WDR1: variants seen among roughly 807,000 people sequenced by gnomAD.
WDR1 encodes WD repeat domain 1.
In WDR1, 21 loss-of-function variants were observed where a neutral mutation model predicts 71.9. The ratio of observed to expected loss-of-function variants is 0.29; its 90% confidence interval spans 0.21 to 0.42. The LOEUF is 0.42. WDR1 is among the 10% of genes least tolerant of loss of function. WDR1 has a pLI of 1.00. For synonymous variants in WDR1, 424 were observed against 347.4 expected, an observed-to-expected ratio of 1.22 and a Z score of -2.45; for missense variants, 696 against 824.5, an observed-to-expected ratio of 0.84 and a Z score of 1.91.
At chr4:10,104,271 G>A (rs1308413142) in intron 2 of WDR1, among the ~76,000 whole-genome samples, 1 of 152,130 alleles carries the variant, frequency 6.6e-6, no homozygotes, top group African/African-American at 2.4e-5. Context: ...CCATAATACA[G>A]AACAAATATA....
intron 2 of WDR1, 116 bp downstream of exon 2, chr4:10,115,997 G>T: frequency 7.1e-7 from 1 of 1,399,044 alleles, no homozygotes; most frequent in Non-Finnish European, 9.7e-7. Flanking sequence ...AGGGGGCGTG[G>T]CGCCCTCACC....
intron 10 of WDR1, among the ~76,000 whole-genome samples, chr4:10,082,233 G>A (rs1765043627): frequency 6.6e-6 from 1 of 152,210 alleles, no homozygotes; most frequent in Admixed American, 6.5e-5. Context: ...CAGGGCCTGT[G>A]TTACCTACAA....
At chr4:10,101,168 C>G (rs1712661336) in intron 3 of WDR1, among the ~76,000 whole-genome samples, 1 of 152,284 alleles carries the variant, frequency 6.6e-6, no homozygotes, top group African/African-American at 2.4e-5. Flanking sequence ...AAAAGGAGGC[C>G]TGGGCCTGCC....
intron 5 of WDR1, among the ~76,000 whole-genome samples, chr4:10,090,593 C>G (rs1021664575): frequency 3.3e-5 from 5 of 152,240 alleles, no homozygotes; most frequent in Non-Finnish European, 7.3e-5. Context: ...CTCCAGCCAA[C>G]AACCCAAACT....
chr4:10,083,408 G>A (rs901858453), intron 9 of WDR1, among the ~76,000 whole-genome samples: 2 of 152,226 alleles, frequency 1.3e-5, no homozygotes, highest in African/African-American at 4.8e-5. Flanking sequence ...AAAGGGAGCC[G>A]TGCTGAAGGC....
intron 5 of WDR1, among the ~76,000 whole-genome samples, chr4:10,096,962 G>C (rs2109674859): frequency 6.6e-6 from 1 of 152,336 alleles, no homozygotes; most frequent in East Asian, 1.9e-4. Flanking sequence ...TGCTGAGACT[G>C]GCTGCTGGGC....
chr4:10,099,548 A>T (rs1341517342), intron 3 of WDR1, among the ~76,000 whole-genome samples: 1 of 152,256 alleles, frequency 6.6e-6, no homozygotes, highest in Non-Finnish European at 1.5e-5. Context: ...TGTGGGCCTC[A>T]GGCCACCTTT....
intron 10 of WDR1, 81 bp from the exon 11 acceptor site, chr4:10,081,525 A>G (rs1192815812): frequency 4.4e-5 from 60 of 1,356,018 alleles, no homozygotes; most frequent in Non-Finnish European, 6.3e-5. Context: ...CTGTTAAACC[A>G]CAGTTTTGCT....
intron 14 of WDR1, 91 bp from the exon 15 acceptor site, chr4:10,075,575 A>C: frequency 8.3e-7 from 1 of 1,202,002 alleles, no homozygotes; most frequent in Admixed American, 2.0e-5. Context: ...CCTGTGCCTA[A>C]ATCATCTCCA....
intron 10 of WDR1, among the ~76,000 whole-genome samples, chr4:10,082,809 TGTC>T (rs1269661035): frequency 1.3e-5 from 2 of 152,210 alleles, no homozygotes; most frequent in Non-Finnish European, 2.9e-5. Flanking sequence ...ACCTGGTCGT[TGTC>T]TGTGGGCAAG....
intron 2 of WDR1, among the ~76,000 whole-genome samples, chr4:10,109,727 G>A (rs1713235388): frequency 6.6e-6 from 1 of 152,212 alleles, no homozygotes; most frequent in South Asian, 2.1e-4. Context: ...CCCACCCAGG[G>A]CCCACCAGGG....
intron 5 of WDR1, among the ~76,000 whole-genome samples, chr4:10,090,254 C>T (rs1312519981): frequency 6.6e-6 from 1 of 152,194 alleles, no homozygotes; most frequent in East Asian, 1.9e-4. Flanking sequence ...CACATGTCAT[C>T]AATGCTGCCT....
At chr4:10,084,086 T>C (rs776625131) in intron 9 of WDR1, among the ~76,000 whole-genome samples, 1 of 152,260 alleles carries the variant, frequency 6.6e-6, no homozygotes, top group African/African-American at 2.4e-5. Flanking sequence ...AAACCCACCA[T>C]GTGGAGTAGG....
At chr4:10,112,269 C>A (rs1713428422) in intron 2 of WDR1, among the ~76,000 whole-genome samples, 1 of 151,976 alleles carries the variant, frequency 6.6e-6, no homozygotes, top group Non-Finnish European at 1.5e-5. Context: ...AAGGAACCAC[C>A]CCAGACCTAA....
At chr4:10,095,247 G>GA in intron 5 of WDR1, among the ~76,000 whole-genome samples, 1 of 152,322 alleles carries the variant, frequency 6.6e-6, no homozygotes, top group East Asian at 1.9e-4. Context: ...AAGATCTGGG[G>GA]AAAAAAGACC....
chr4:10,087,765 G>A lies in WDR1; in HGVS notation c.893C>T (p.Ser298Phe). ...QKDHLLSVSL[S>F]GYINYLDRNN... ...TCTGTCCAGATAGTTGATGTACCCG[G>A]ACAGGGAGACACTGAGCAGGTGGTC... Residue 298 changes from serine to phenylalanine, a missense_variant, in exon 8 of 15, where the codon TCC becomes TTC. Coordinates refer to ENST00000499869, the MANE Select transcript of WDR1 (RefSeq NM_017491.5). 6.2e-7 allele frequency: 1 copy of A among 1,602,452 alleles called. No individual in the cohort carries two copies. Among genetic ancestry groups the A allele is most frequent in the Non-Finnish European group, 8.5e-7 (1 of 1,174,232 alleles).
intron 10 of WDR1, among the ~76,000 whole-genome samples, chr4:10,082,385 C>A (rs1765052250): frequency 6.6e-6 from 1 of 152,078 alleles, no homozygotes; most frequent in African/African-American, 2.4e-5. Context: ...AAATGTAGGG[C>A]CAGAGGAGGG....
At chr4:10,086,371 C>G (rs3756227) in intron 8 of WDR1, among the ~76,000 whole-genome samples, 2 of 152,160 alleles carry the variant, frequency 1.3e-5, no homozygotes, top group African/African-American at 4.8e-5. Flanking sequence ...AGCCTTCCCC[C>G]TCTCAGCAGT....
chr4:10,113,583 G>A (rs1375818147), intron 2 of WDR1, among the ~76,000 whole-genome samples: 2 of 148,742 alleles, frequency 1.3e-5, no homozygotes, highest in Non-Finnish European at 3.0e-5. Context: ...AGCCACTCCA[G>A]CGAGTGTTGT....
Sources: allele counts gnomAD v4.1 joint callset (sites outside exome capture counted in the v4.1 genomes callset), GRCh38; gene constraint gnomAD v4.1.1; transcripts MANE v1.5; gene names NCBI Gene and HGNC (gene_info 2026-07-23, HGNC 2026-07-21).